The following PCDH7 variants were observed in gnomAD, a reference collection of about 807,000 sequenced individuals.
PCDH7 encodes the protein protocadherin-7.
A neutral mutation model predicts 58.9 loss-of-function variants in PCDH7; 17 were observed. The observed-to-expected ratio is 0.29, with a 90% CI of 0.20 to 0.43. The LOEUF (loss-of-function observed/expected upper bound fraction) is 0.43. Among genes scored for constraint, PCDH7 ranks in the 20% least tolerant of loss-of-function variants. PCDH7 has a pLI of 1.00. For synonymous variants in PCDH7, 664 were observed against 616.4 expected (o/e 1.08, Z -1.14); for missense variants, 1,274 against 1,441.0 (o/e 0.88, Z 1.88).
chr4:30,762,693 T>C (rs1720183310), intron 1 of PCDH7, among the ~76,000 whole-genome samples: 1 of 152,232 alleles, frequency 6.6e-6, no homozygotes, highest in South Asian at 2.1e-4. Context: ...CTATTATTAC[T>C]GTCTTGGACT....
At chr4:31,092,521 G>A (rs1307951359) in intron 3 of PCDH7, among the ~76,000 whole-genome samples, 2 of 151,998 alleles carry the variant, frequency 1.3e-5, no homozygotes, top group Non-Finnish European at 1.5e-5. Context: ...ACTGATGTGA[G>A]GTTATGAGAT....
Position 30,933,448 on chromosome 4 carries a change from A to G in PCDH7, c.287+13079A>G, listed in dbSNP as rs73214946. ...TTCAGTGCTTCTTTCAGTGTCCGCT[A>G]CTAACCACAATCTTGTGTCTCTAAC... On this transcript the variant is annotated intron_variant, in intron 2 of 3. Transcript: ENST00000509759. 5.6e-3 allele frequency among the ~76,000 whole-genome samples: 846 copies of G among 152,284 alleles called. 5 individuals are homozygous for G. The highest frequency in any genetic ancestry group is 0.017 in the Middle Eastern group (5 of 294).
intron 3 of PCDH7, among the ~76,000 whole-genome samples, chr4:31,045,141 T>G (rs970664263): frequency 6.6e-6 from 1 of 152,102 alleles, no homozygotes; most frequent in African/African-American, 2.4e-5. Flanking sequence ...ACACAGAAAT[T>G]ACTGTGACTT....
chr4:30,872,556 T>C (rs556935494), intron 1 of PCDH7, among the ~76,000 whole-genome samples: 4 of 152,074 alleles, frequency 2.6e-5, no homozygotes, highest in Non-Finnish European at 5.9e-5. Context: ...GGGATTGGAT[T>C]CAGGCATAAG....
chr4:30,802,257 C>A (rs758928976), intron 1 of PCDH7, among the ~76,000 whole-genome samples: 14 of 151,308 alleles, frequency 9.3e-5, no homozygotes, highest in Non-Finnish European at 1.8e-4. Context: ...TTTTATATAG[C>A]ATTTCTAATA....
chr4:30,974,168 C>G (rs1749847679), intron 3 of PCDH7, among the ~76,000 whole-genome samples: 1 of 150,632 alleles, frequency 6.6e-6, no homozygotes. Flanking sequence ...TTCTTTCTTT[C>G]TTTTTCTCTT....
exon 2 of PCDH7, chr4:30,920,332 G>A (rs746447440): frequency 5.1e-5 from 70 of 1,367,358 alleles, no homozygotes; most frequent in Non-Finnish European, 6.1e-5. Flanking sequence ...GGACCACGCC[G>A]GATGGCAGTG....
chr4:30,978,929 A>G (rs1270928552), intron 3 of PCDH7, among the ~76,000 whole-genome samples: 2 of 152,326 alleles, frequency 1.3e-5, no homozygotes, highest in African/African-American at 2.4e-5. Context: ...ATTAATTATT[A>G]TTTCTGGATA....
intron 1 of PCDH7, among the ~76,000 whole-genome samples, chr4:30,762,259 A>AT (rs1028342463): frequency 1.3e-5 from 2 of 152,082 alleles, no homozygotes; most frequent in Admixed American, 6.6e-5. Context: ...TAAAATTCGC[A>AT]TTTTTTCCCC....
intron 3 of PCDH7, among the ~76,000 whole-genome samples, chr4:31,055,943 A>G (rs13147117): frequency 0.13 from 20,057 of 152,178 alleles, 1,592 homozygotes; most frequent in East Asian, 0.32. Context: ...CATCTTTGTC[A>G]AAGAGGAAAT....
intron 3 of PCDH7, among the ~76,000 whole-genome samples, chr4:31,047,542 A>C (rs1474579036): frequency 6.6e-6 from 1 of 152,072 alleles, no homozygotes; most frequent in East Asian, 1.9e-4. Context: ...CTCCCTTCTC[A>C]AAATTTACTT....
At chr4:31,056,781 TG>T (rs1757294699) in intron 3 of PCDH7, among the ~76,000 whole-genome samples, 2 of 152,174 alleles carry the variant, frequency 1.3e-5, no homozygotes, top group African/African-American at 4.8e-5. Context: ...GATTTCACCA[TG>T]TTGGCCAGGC....
chr4:31,112,608 G>C (rs1440669717), intron 3 of PCDH7, among the ~76,000 whole-genome samples: 1 of 152,084 alleles, frequency 6.6e-6, no homozygotes, highest in African/African-American at 2.4e-5. Context: ...AAGAAGCAAA[G>C]CCTCTCTGTT....
intron 3 of PCDH7, among the ~76,000 whole-genome samples, chr4:31,072,970 AT>A (rs1758678686): frequency 6.6e-6 from 1 of 152,188 alleles, no homozygotes; most frequent in African/African-American, 2.4e-5. Flanking sequence ...TTCACAGAAT[AT>A]CATGGAAGTA....
intron 1 of PCDH7, among the ~76,000 whole-genome samples, chr4:30,816,790 A>G (rs1727730892): frequency 6.6e-6 from 1 of 152,142 alleles, no homozygotes; most frequent in South Asian, 2.1e-4. Flanking sequence ...AATAATAGTA[A>G]TAATAATAAG....
chr4:31,063,038 T>C (rs977220839), intron 3 of PCDH7, among the ~76,000 whole-genome samples: 1 of 151,874 alleles, frequency 6.6e-6, no homozygotes, highest in African/African-American at 2.4e-5. Flanking sequence ...TTAATCTTTA[T>C]TGGGTATCTG....
intron 1 of PCDH7, among the ~76,000 whole-genome samples, chr4:30,784,512 T>C (rs1306558926): frequency 1.3e-5 from 2 of 152,280 alleles, no homozygotes; most frequent in African/African-American, 4.8e-5. Flanking sequence ...ATATGATTAA[T>C]GTAACATTTA....
intron 2 of PCDH7, among the ~76,000 whole-genome samples, chr4:30,948,353 G>A (rs1437467165): frequency 6.6e-6 from 1 of 151,100 alleles, no homozygotes; most frequent in Non-Finnish European, 1.5e-5. Flanking sequence ...AAGAGCATGT[G>A]GATTCTCCTC....
At chr4:30,744,427 A>G (rs939856427) in intron 1 of PCDH7, among the ~76,000 whole-genome samples, 1 of 152,194 alleles carries the variant, frequency 6.6e-6, no homozygotes, top group Admixed American at 6.5e-5. Context: ...TAATAATGTA[A>G]CCATGATTTA....
Sources: gnomAD v4.1 joint callset for allele counts (sites outside exome capture counted in the v4.1 genomes callset) on GRCh38, gnomAD v4.1.1 for gene constraint, MANE v1.5 for transcripts, NCBI Gene and HGNC (gene_info 2026-07-23, HGNC 2026-07-21) for gene names.